THEMIS: variants seen among roughly 807,000 people sequenced by gnomAD.
THEMIS encodes the protein thymocyte selection associated.
Under a neutral mutation model 52.6 loss-of-function variants are expected in THEMIS, and 37 were observed. The observed-to-expected ratio is 0.70, with a 90% CI of 0.54 to 0.93. The LOEUF is 0.93. Ranked by LOEUF, THEMIS falls within the 40% of genes least tolerant of loss-of-function variation. THEMIS has a pLI of 0.00. For missense variants in THEMIS, 808 were observed against 763.1 expected, an observed-to-expected ratio of 1.06 and a Z score of -0.69; for synonymous variants, 292 against 272.7, an observed-to-expected ratio of 1.07 and a Z score of -0.70.
chr6:127,880,711 T>C (rs1487992156), intron 1 of THEMIS, among the ~76,000 whole-genome samples: 1 of 152,020 alleles, frequency 6.6e-6, no homozygotes, highest in Non-Finnish European at 1.5e-5. Context: ...ACAAAAAACC[T>C]CTTGAGTCCT....
chr6:127,883,570 C>T (rs1780553784), intron 1 of THEMIS, among the ~76,000 whole-genome samples: 1 of 151,726 alleles, frequency 6.6e-6, no homozygotes, highest in African/African-American at 2.4e-5. Flanking sequence ...TATACAGACT[C>T]CCATACTTGG....
chr6:127,768,919 G>A (rs1776285821), intron 4 of THEMIS, among the ~76,000 whole-genome samples: 1 of 152,090 alleles, frequency 6.6e-6, no homozygotes, highest in African/African-American at 2.4e-5. Flanking sequence ...TGTTTATCCT[G>A]AAGATCAACA....
intron 3 of THEMIS, among the ~76,000 whole-genome samples, chr6:127,819,675 C>T (rs1249614689): frequency 6.6e-6 from 1 of 152,136 alleles, no homozygotes; most frequent in African/African-American, 2.4e-5. Context: ...TAGAATTCTG[C>T]ATCCAGTGAA....
At chr6:127,908,335 A>C (rs1309312608) in intron 1 of THEMIS, among the ~76,000 whole-genome samples, 1 of 152,146 alleles carries the variant, frequency 6.6e-6, no homozygotes, top group Admixed American at 6.6e-5. Flanking sequence ...TATACAGTTC[A>C]GGAACTTCAA....
intron 4 of THEMIS, among the ~76,000 whole-genome samples, chr6:127,731,360 C>T (rs544791602): frequency 2.0e-4 from 31 of 151,916 alleles, no homozygotes; most frequent in Admixed American, 1.5e-3. Flanking sequence ...AACATAATCA[C>T]GTAAATATAA....
At chr6:127,812,603 A>G (rs1777947154) in intron 4 of THEMIS, among the ~76,000 whole-genome samples, 2 of 152,210 alleles carry the variant, frequency 1.3e-5, no homozygotes, top group South Asian at 4.1e-4. Flanking sequence ...AAATATTCTT[A>G]ATTACCAAAA....
intron 3 of THEMIS, among the ~76,000 whole-genome samples, chr6:127,817,437 AAT>A (rs1280847336): frequency 6.6e-6 from 1 of 152,206 alleles, no homozygotes; most frequent in East Asian, 1.9e-4. Context: ...TCACTTAAAC[AAT>A]GGCCTGTTCA....
chr6:127,874,793 G>A (rs935260834), intron 1 of THEMIS, among the ~76,000 whole-genome samples: 2 of 152,238 alleles, frequency 1.3e-5, no homozygotes, highest in Non-Finnish European at 2.9e-5. Context: ...TCTCTTGACT[G>A]TAACAATGTC....
the THEMIS span, among the ~76,000 whole-genome samples, chr6:127,702,632 G>A: frequency 7.0e-6 from 1 of 142,730 alleles, no homozygotes; most frequent in African/African-American, 2.6e-5. Flanking sequence ...TTTTTTTTTA[G>A]CTATCATATT....
intron 4 of THEMIS, among the ~76,000 whole-genome samples, chr6:127,770,338 C>T (rs556723547): frequency 2.0e-4 from 31 of 152,286 alleles, no homozygotes; most frequent in Non-Finnish European, 3.8e-4. Context: ...GATGGTATCT[C>T]ATTGTGGTTT....
intron 1 of THEMIS, among the ~76,000 whole-genome samples, chr6:127,915,234 G>GA (rs1781496103): frequency 1.7e-5 from 2 of 116,040 alleles, no homozygotes; most frequent in African/African-American, 5.7e-5. Flanking sequence ...AATGATGACA[G>GA]TATAGTATCA....
intron 2 of THEMIS, among the ~76,000 whole-genome samples, chr6:127,833,710 C>T (rs901225950): frequency 2.0e-5 from 3 of 152,106 alleles, no homozygotes; most frequent in African/African-American, 7.2e-5. Flanking sequence ...TTATTTCATG[C>T]ACACCATTTC....
chr6:127,830,796 T>A (rs560574520), intron 2 of THEMIS, among the ~76,000 whole-genome samples: 1 of 152,206 alleles, frequency 6.6e-6, no homozygotes, highest in Non-Finnish European at 1.5e-5. Flanking sequence ...GCCACTGAAC[T>A]GTACACTTTA....
At chr6:127,825,999 T>C (rs1323758394) in intron 3 of THEMIS, among the ~76,000 whole-genome samples, 11 of 152,182 alleles carry the variant, frequency 7.2e-5, no homozygotes. Context: ...TGCTTAGCCA[T>C]AACTTATAAT....
chr6:127,830,532 A>C (rs992905714), intron 2 of THEMIS, among the ~76,000 whole-genome samples: 1 of 151,926 alleles, frequency 6.6e-6, no homozygotes, highest in Admixed American at 6.6e-5. Context: ...CAAAGAATAC[A>C]AAAATTAGCT....
At chr6:127,770,312 A>T (rs537518138) in intron 4 of THEMIS, among the ~76,000 whole-genome samples, 1 of 152,298 alleles carries the variant, frequency 6.6e-6, no homozygotes, top group African/African-American at 2.4e-5. Context: ...AATGATCACC[A>T]TTCTGACTGG....
chr6:127,747,508 A>G (rs1583228105), intron 4 of THEMIS, among the ~76,000 whole-genome samples: 1 of 151,072 alleles, frequency 6.6e-6, no homozygotes, highest in East Asian at 1.9e-4. Context: ...AAAAGAGTGA[A>G]TTACAAATCA....
chr6:127,846,875 G>A (rs372197728), intron 2 of THEMIS, among the ~76,000 whole-genome samples: 5 of 151,758 alleles, frequency 3.3e-5, no homozygotes, highest in Admixed American at 2.0e-4. Context: ...GAATATAGTT[G>A]CAAAAATCCT....
chr6:127,805,065 T>C (rs1777655662), intron 4 of THEMIS, among the ~76,000 whole-genome samples: 1 of 152,134 alleles, frequency 6.6e-6, no homozygotes, highest in Admixed American at 6.5e-5. Flanking sequence ...TATACATTTC[T>C]TGTGGCCTTT....
Sources: gnomAD v4.1 joint callset for allele counts (sites outside exome capture counted in the v4.1 genomes callset) on GRCh38, gnomAD v4.1.1 for gene constraint, MANE v1.5 for transcripts, NCBI Gene and HGNC (gene_info 2026-07-23, HGNC 2026-07-21) for gene names.